ID2: variants seen among roughly 807,000 people sequenced by gnomAD.
The protein encoded by ID2 is DNA-binding protein inhibitor ID-2.
Under a neutral mutation model 8.3 loss-of-function variants are expected in ID2, and 2 were observed. That is an observed-to-expected ratio of 0.24 (90% CI 0.10 to 0.76). ID2 has a LOEUF of 0.76. ID2 is among the 30% of genes least tolerant of loss of function. The pLI is 0.73. For synonymous variants in ID2, 112 were observed against 72.3 expected (o/e 1.55, Z -2.79); for missense variants, 155 against 167.0 (o/e 0.93, Z 0.40).
intron 1 of ID2, 73 bp downstream of exon 1, chr2:8,682,586 C>A (rs1043583295): frequency 2.7e-6 from 3 of 1,104,186 alleles, no homozygotes; most frequent in African/African-American, 1.6e-5. Context: ...ACTAGGAGAT[C>A]CGTAGCCCAG....
rs902319784 is a variant in ID2, at chr2:8,682,271, C to T, written c.106C>T (p.Leu36=). 3 of 1,614,006 alleles carry T rather than the reference C, an allele frequency of 1.9e-6. No homozygotes were observed. Among genetic ancestry groups the T allele is most frequent in the South Asian group, 2.2e-5 (2 of 91,072 alleles). ...CCCTGTGGACGACCCGATGAGCCTG[C>T]TATACAACATGAACGACTGCTACTC... The part of the protein sequence containing the change: ...KTPVDDPMSL[L]YNMNDCYSKL... Residue 36 remains leucine, a synonymous_variant, in exon 1 of 3, where the codon CTA becomes TTA. Transcript: ENST00000396290.
intron 2 of ID2, 115 bp from the exon 3 acceptor site, chr2:8,683,570 T>C (rs963923171): frequency 6.6e-6 from 1 of 152,266 alleles, no homozygotes; most frequent in African/African-American, 2.4e-5. Flanking sequence ...GTTTGCCCAA[T>C]CTTTGAGTGT....
chr2:8,682,161 TCAG>T lies in ID2; in HGVS notation c.-2_1del. 1 of 1,609,280 alleles carries T rather than the reference TCAG, an allele frequency of 6.2e-7. No homozygotes were observed. Among genetic ancestry groups the T allele is most frequent in the Non-Finnish European group, 8.5e-7 (1 of 1,177,230 alleles). On this transcript the variant is annotated 5_prime_UTR_variant, in exon 1 of 3. Transcript: ENST00000396290. Reference sequence around the variant, plus strand: ...CTCCCGGTCTCGCCTTCCCTCGCGGTCAGCATGAAAGCCTTCAGTCCCGTGAGG... The same window carrying T: ...CTCCCGGTCTCGCCTTCCCTCGCGGTCATGAAAGCCTTCAGTCCCGTGAGG...
At position 8,682,309 on chromosome 2, in the gene ID2, G is replaced by A. The variant is rs1572356482; in HGVS notation, c.144G>A (p.Glu48=). 2.5e-6 allele frequency: 4 copies of A among 1,614,140 alleles called. 1 individual carries two copies. Among genetic ancestry groups the A allele is most frequent in the East Asian group, 2.2e-5 (1 of 44,880 alleles). Reference sequence around the variant, plus strand: ...ACGACTGCTACTCCAAGCTCAAGGAGCTGGTGCCCAGCATCCCCCAGAACA... The same window carrying A: ...ACGACTGCTACTCCAAGCTCAAGGAACTGGTGCCCAGCATCCCCCAGAACA... The part of the protein sequence containing the change: ...NMNDCYSKLK[E]LVPSIPQNKK... Residue 48 remains glutamate (E), a synonymous_variant, in exon 1 of 3, where the codon GAG becomes GAA. Coordinates refer to ENST00000396290, the MANE Select transcript of ID2 (RefSeq NM_002166.5).
Position 8,684,090 on chromosome 2 carries a change from C to A in ID2, c.*413C>A, listed in dbSNP as rs1273981716. 1.3e-5 allele frequency: 2 copies of A among 152,194 alleles called. No individual in the cohort carries two copies. The highest frequency in any genetic ancestry group is 2.9e-5 in the Non-Finnish European group (2 of 67,998). The allele number at this position is 152,194 out of a possible 1,614,324, so 9.4% of individuals were successfully genotyped here. On this transcript the variant is annotated 3_prime_UTR_variant, in exon 3 of 3. Coordinates refer to ENST00000396290, the MANE Select transcript of ID2 (RefSeq NM_002166.5). ...AATGAAGTCTTTTGGTCAGAAATTA[C>A]CTTTTTGACACAAGCCTACTGAATG...
Position 8,682,064 on chromosome 2 carries a change from C to T in ID2, c.-102C>T. On this transcript the variant is annotated 5_prime_UTR_variant, in exon 1 of 3. Coordinates refer to ENST00000396290, the MANE Select transcript of ID2 (RefSeq NM_002166.5). ...CGCCGGGCTCGGGCTTCATTCTGAGCCGAGCCCGGTGCCAAGCGCAGCTAG... is the reference window on the plus strand; with the variant it reads ...CGCCGGGCTCGGGCTTCATTCTGAGTCGAGCCCGGTGCCAAGCGCAGCTAG... 2 of 910,030 alleles carry T rather than the reference C, an allele frequency of 2.2e-6. No homozygotes were observed. Among genetic ancestry groups the T allele is most frequent in the Admixed American group, 2.3e-5 (1 of 42,964 alleles). 56.4% of individuals were successfully genotyped at this position (910,030 alleles called of 1,614,324 possible). A position where few individuals can be genotyped will look rare whatever the true frequency, so the allele number is the denominator to read the frequency against.
In ID2 at chr2:8,682,509, T is replaced by G; in HGVS notation, c.344T>G (p.Leu115Trp). 1 of 1,611,732 alleles carries G rather than the reference T, an allele frequency of 6.2e-7. No individual in the cohort carries two copies. The highest frequency in any genetic ancestry group is 8.5e-7 in the Non-Finnish European group (1 of 1,179,102). ...TLNTDISILS[L>W]QASEFPSELM... ...AACACGGATATCAGCATCCTGTCCT[T>G]GCAGGTAAGACCTGCTCCGGGGTCC... Residue 115 changes from leucine to tryptophan, a missense_variant, in exon 1 of 3, where the codon TTG becomes TGG. Transcript: ENST00000396290.
At chr2:8,683,150 C>A (rs769849495) in intron 2 of ID2, 2 of 554,334 alleles carry the variant, frequency 3.6e-6, no homozygotes, top group Middle Eastern at 4.8e-4. Context: ...CGAAGGCGGC[C>A]GAGGAACGTG....
At chr2:8,682,749 G>A (rs549981465) in intron 1 of ID2, 94 bp from the exon 2 acceptor site, 6 of 980,076 alleles carry the variant, frequency 6.1e-6, no homozygotes, top group South Asian at 4.2e-5. Context: ...GGAACTTGCT[G>A]GTCTGTGGAC....
chr2:8,682,782 A>AAAAC (rs1558273058), intron 1 of ID2, 61 bp from the exon 2 acceptor site: 348 of 869,118 alleles, frequency 4.0e-4, no homozygotes, highest in Admixed American at 7.0e-4. Context: ...AAAAAAAAAA[A>AAAAC]AAAAACCCTT....
rs562872744 is a variant in ID2 at position 8,682,071 on chromosome 2, C to G, written c.-95C>G. ...CTCGGGCTTCATTCTGAGCCGAGCC[C>G]GGTGCCAAGCGCAGCTAGCTCAGCA... On this transcript the variant is annotated 5_prime_UTR_variant, in exon 1 of 3. Transcript: ENST00000396290. 3.4e-5 allele frequency: 33 copies of G among 977,930 alleles called. No homozygotes were observed. Among genetic ancestry groups the G allele is most frequent in the Admixed American group, 4.4e-5 (2 of 45,520 alleles). The allele number at this position is 977,930 out of a possible 1,614,324, so 60.6% of individuals were successfully genotyped here. A position where few individuals can be genotyped will look rare whatever the true frequency, so the allele number is the denominator to read the frequency against.
chr2:8,683,006 T>C, intron 2 of ID2, 100 bp downstream of exon 2: 1 of 887,964 alleles, frequency 1.1e-6, no homozygotes, highest in African/African-American at 1.6e-5. Context: ...ATGTCTGATT[T>C]GGTAAATGCA....
rs370283962 is a variant in ID2 at position 8,682,134 on chromosome 2, C to G, written c.-32C>G. ...GGCCTGAGCTTCAGGGCAGCCAGCT[C>G]CCTCCCGGTCTCGCCTTCCCTCGCG... On this transcript the variant is annotated 5_prime_UTR_variant, in exon 1 of 3. Transcript: ENST00000396290. 3 of 1,572,972 alleles carry G rather than the reference C, an allele frequency of 1.9e-6. No individual in the cohort carries two copies. The highest frequency in any genetic ancestry group is 1.7e-4 in the Middle Eastern group (1 of 5,980).
intron 2 of ID2, 103 bp downstream of exon 2, chr2:8,683,009 T>G (rs1662131141): frequency 1.1e-5 from 10 of 871,956 alleles, no homozygotes; most frequent in Non-Finnish European, 2.0e-5. Flanking sequence ...TCTGATTTGG[T>G]AAATGCATGC....
In ID2 at chr2:8,684,418, C is replaced by T. The variant is rs1400578693; in HGVS notation, c.*741C>T. The T allele has an allele frequency of 1.3e-5, 2 of 151,810 alleles. No individual in the cohort carries two copies. Among genetic ancestry groups the T allele is most frequent in the African/African-American group, 4.9e-5 (2 of 41,160 alleles). 9.4% of individuals were successfully genotyped at this position (151,810 alleles called of 1,614,324 possible). A position where few individuals can be genotyped will look rare whatever the true frequency, so the allele number is the denominator to read the frequency against. On this transcript the variant is annotated 3_prime_UTR_variant, in exon 3 of 3. Coordinates refer to ENST00000396290, the MANE Select transcript of ID2 (RefSeq NM_002166.5). ...AAATACAAGTTCAAATTTATGTAGA[C>T]TGTATAAGATTATAATAAAACATGT...
rs1486389273 is a variant in ID2, at chr2:8,684,302, C to G, written c.*625C>G. On this transcript the variant is annotated 3_prime_UTR_variant, in exon 3 of 3. Transcript: ENST00000396290. ...CTTAACCCTTTTATACAAAATAAAT[C>G]AAGTGTGTTTATTGAATGGTGATTG... 1 of 152,320 alleles carries G rather than the reference C, an allele frequency of 6.6e-6. No homozygotes were observed. Among genetic ancestry groups the G allele is most frequent in the Admixed American group, 6.6e-5 (1 of 15,258 alleles). The allele number at this position is 152,320 out of a possible 1,614,324, so 9.4% of individuals were successfully genotyped here. A position where few individuals can be genotyped will look rare whatever the true frequency, so the allele number is the denominator to read the frequency against.
intron 2 of ID2, among the ~76,000 whole-genome samples, 198 bp from the exon 3 acceptor site, chr2:8,683,487 C>T (rs1452109598): frequency 3.3e-5 from 5 of 152,150 alleles, no homozygotes; most frequent in East Asian, 1.9e-4. Flanking sequence ...AAGTTTTTCC[C>T]TTGAGTCTCT....
At chr2:8,683,342 C>T (rs371845381) in intron 2 of ID2, among the ~76,000 whole-genome samples, 1 of 152,200 alleles carries the variant, frequency 6.6e-6, no homozygotes, top group East Asian at 1.9e-4. Context: ...CCTGTGCCTT[C>T]AACCCTGTGA....
In ID2 at chr2:8,683,077, C is replaced by T. The variant is rs917834850; in HGVS notation, c.*7+171C>T. 8.6e-5 allele frequency: 54 copies of T among 628,792 alleles called. No homozygotes were observed. In the African/African-American group the frequency reaches 9.2e-4, roughly 11 times the overall value. 39.0% of individuals were successfully genotyped at this position (628,792 alleles called of 1,614,324 possible). A position where few individuals can be genotyped will look rare whatever the true frequency, so the allele number is the denominator to read the frequency against. On this transcript the variant is annotated intron_variant, in intron 2 of 2. Coordinates refer to ENST00000396290, the MANE Select transcript of ID2 (RefSeq NM_002166.5). ...TCACTAGACATGAAGGAGCTTGTAGCTTTGGGTGCTCGAGATCACAGAACA... is the reference window on the plus strand; with the variant it reads ...TCACTAGACATGAAGGAGCTTGTAGTTTTGGGTGCTCGAGATCACAGAACA...
Sources: gnomAD v4.1 joint callset for allele counts (sites outside exome capture counted in the v4.1 genomes callset) on GRCh38, gnomAD v4.1.1 for gene constraint, MANE v1.5 for transcripts, NCBI Gene and HGNC (gene_info 2026-07-23, HGNC 2026-07-21) for gene names.